TRPM1: variants seen among roughly 807,000 people sequenced by gnomAD.
TRPM1 encodes the protein transient receptor potential cation channel subfamily M member 1.
Under a neutral mutation model 149.4 loss-of-function variants are expected in TRPM1, and 113 were observed. The ratio of observed to expected loss-of-function variants is 0.76; its 90% CI spans 0.65 to 0.88. TRPM1 has a LOEUF of 0.88. Ranked by LOEUF, TRPM1 falls within the 40% of genes least tolerant of loss-of-function variation. The probability of loss-of-function intolerance (pLI) is 0.00; values close to 1 mark genes in which losing one functional copy is unlikely to be tolerated. For missense variants in TRPM1, 1,976 were observed against 2,038.7 expected (o/e 0.97, Z 0.59); for synonymous variants, 741 against 759.5 (o/e 0.98, Z 0.40).
chr15:31,032,680 A>G lies in TRPM1; in HGVS notation c.2952+9T>C. ...TCTCTCTGGATACCCACAGGATGCC[A>G]CTACTAACCATCTTTCCAATCATCA... On this transcript the variant is annotated intron_variant, in intron 22 of 27. Transcript: ENST00000256552. 1 of 1,614,116 alleles carries G rather than the reference A, an allele frequency of 6.2e-7. No individual in the cohort carries two copies. The highest frequency in any genetic ancestry group is 1.6e-4 in the Middle Eastern group (1 of 6,062).
intron 16 of TRPM1, among the ~76,000 whole-genome samples, chr15:31,044,011 G>A (rs1041725615): frequency 6.6e-6 from 1 of 151,780 alleles, no homozygotes; most frequent in Non-Finnish European, 1.5e-5. Context: ...ACTTAGCAAT[G>A]AATTTGAAAA....
chr15:31,081,317 G>A (rs554149541), intron 2 of TRPM1, 36 bp downstream of exon 2: 3 of 1,164,108 alleles, frequency 2.6e-6, no homozygotes, highest in East Asian at 2.9e-5. Flanking sequence ...AGGGGGGGAG[G>A]GGGGGAAGGT....
chr15:31,036,869 C>T (rs1329895513), intron 20 of TRPM1, among the ~76,000 whole-genome samples: 1 of 152,254 alleles, frequency 6.6e-6, no homozygotes, highest in Non-Finnish European at 1.5e-5. Context: ...TTGCTCTGCC[C>T]CCAGCCCACC....
intron 3 of TRPM1, 55 bp from the exon 4 acceptor site, chr15:31,070,281 C>T (rs568503747): frequency 6.4e-7 from 1 of 1,553,984 alleles, no homozygotes; most frequent in Non-Finnish European, 8.9e-7. Flanking sequence ...CTTTCCCCTT[C>T]ATTAGCAAAA....
chr15:31,055,204 C>T (rs1410226261), intron 11 of TRPM1, among the ~76,000 whole-genome samples: 1 of 152,164 alleles, frequency 6.6e-6, no homozygotes, highest in Non-Finnish European at 1.5e-5. Context: ...CCTTATATCC[C>T]ACTGTAGGGA....
chr15:31,089,873 C>G (rs1023403027), intron 1 of TRPM1, among the ~76,000 whole-genome samples: 3 of 152,162 alleles, frequency 2.0e-5, no homozygotes, highest in Non-Finnish European at 4.4e-5. Context: ...TGCCATGTGG[C>G]GCACAGGGAA....
chr15:31,117,078 G>A (rs1255032036), intron 1 of TRPM1, among the ~76,000 whole-genome samples: 2 of 152,210 alleles, frequency 1.3e-5, no homozygotes, highest in African/African-American at 4.8e-5. Context: ...GGCTGGGTGC[G>A]GTGGTTTACG....
At chr15:31,080,130 A>C (rs943296110) in intron 2 of TRPM1, among the ~76,000 whole-genome samples, 19 of 152,220 alleles carry the variant, frequency 1.2e-4, no homozygotes, top group Non-Finnish European at 2.5e-4. Flanking sequence ...TCTTTCTTCC[A>C]GTGGAAAGTC....
intron 1 of TRPM1, among the ~76,000 whole-genome samples, chr15:31,090,692 C>G (rs1315715670): frequency 6.7e-6 from 1 of 148,182 alleles, no homozygotes; most frequent in Admixed American, 6.6e-5. Flanking sequence ...ATCTTCCCAA[C>G]AAGTCTGAAT....
In TRPM1 at chr15:31,004,827, C is replaced by T. The variant is rs1013214094; in HGVS notation, c.3630-1757G>A. 3.9e-5 allele frequency among the ~76,000 whole-genome samples: 6 copies of T among 152,114 alleles called. No homozygotes were observed. In the East Asian group the frequency reaches 5.8e-4, roughly 15 times the overall value. On this transcript the variant is annotated intron_variant, in intron 27 of 27. Coordinates refer to ENST00000256552, the MANE Select transcript of TRPM1 (RefSeq NM_001252024.2). ...TTAAAAATAATGGCTCCTGGCCGCA[C>T]GCAGTGGCTCACACCTGTAATCCCA... is the stretch of plus-strand genomic sequence containing the variant.
chr15:31,063,337 T>C lies in TRPM1; in HGVS notation c.791-45A>G, dbSNP rs373131413. ...CGCCCATACCACCTGTGCCCTGCAC[T>C]GTCCACCCAGTCGTTTTAACTCCTG... On this transcript the variant is annotated intron_variant, in intron 7 of 27. Coordinates refer to ENST00000256552, the MANE Select transcript of TRPM1 (RefSeq NM_001252024.2). 265 of 1,613,338 alleles carry C rather than the reference T, an allele frequency of 1.6e-4. 1 individual carries two copies. Among genetic ancestry groups the C allele is most frequent in the Non-Finnish European group, 2.1e-4 (248 of 1,179,522 alleles).
chr15:31,026,380 T>C (rs2140899566), intron 26 of TRPM1, 109 bp from the exon 27 acceptor site: 1 of 1,362,676 alleles, frequency 7.3e-7, no homozygotes, highest in Non-Finnish European at 1.0e-6. Flanking sequence ...TCTCCGCCAC[T>C]CCTAAGGCAG....
intron 1 of TRPM1, among the ~76,000 whole-genome samples, chr15:31,094,426 C>A (rs1279488425): frequency 6.6e-6 from 1 of 151,964 alleles, no homozygotes; most frequent in Non-Finnish European, 1.5e-5. Context: ...GGAAAAAAAC[C>A]CACAACCTAT....
At chr15:31,023,707 C>G (rs1012647462) in intron 27 of TRPM1, among the ~76,000 whole-genome samples, 2 of 152,142 alleles carry the variant, frequency 1.3e-5, no homozygotes, top group African/African-American at 4.8e-5. Context: ...AATGGCGATG[C>G]CATTCACAGA....
At position 31,062,572 on chromosome 15, in the gene TRPM1, C is replaced by G. The variant is rs374335070; in HGVS notation, c.1089+7G>C. Reference sequence around the variant, plus strand: ...AGCTTGTTTGGAAATAAATTCAAGACACTTACGAGTTCTTTCTTCTTCATG... The same window carrying G: ...AGCTTGTTTGGAAATAAATTCAAGAGACTTACGAGTTCTTTCTTCTTCATG... On this transcript the variant is annotated splice_region_variant and intron_variant, in intron 9 of 27. Coordinates refer to ENST00000256552, the MANE Select transcript of TRPM1 (RefSeq NM_001252024.2). 102 of 1,613,948 alleles carry G rather than the reference C, an allele frequency of 6.3e-5. No individual in the cohort carries two copies. Among genetic ancestry groups the G allele is most frequent in the Non-Finnish European group, 8.6e-5 (102 of 1,180,030 alleles).
chr15:31,157,757 A>G (rs1023938800), intron 1 of TRPM1, among the ~76,000 whole-genome samples: 10 of 152,152 alleles, frequency 6.6e-5, no homozygotes, highest in African/African-American at 2.4e-4. Context: ...TCTAAGACCA[A>G]GGGAAGAGCT....
chr15:31,094,865 C>G (rs779295524), intron 1 of TRPM1, among the ~76,000 whole-genome samples: 3 of 152,200 alleles, frequency 2.0e-5, no homozygotes, highest in Non-Finnish European at 4.4e-5. Flanking sequence ...AGCAATTTTA[C>G]TGCTAGGTAT....
At chr15:31,088,791 G>A (rs974667432) in intron 1 of TRPM1, among the ~76,000 whole-genome samples, 2 of 119,950 alleles carry the variant, frequency 1.7e-5, no homozygotes, top group Non-Finnish European at 3.4e-5. Flanking sequence ...ACACCTGAAC[G>A]TTCTTTCTGC....
intron 24 of TRPM1, 131 bp from the exon 25 acceptor site, chr15:31,028,607 T>TC: frequency 2.5e-6 from 3 of 1,216,784 alleles, no homozygotes; most frequent in Non-Finnish European, 2.3e-6. Context: ...CAATATTTTT[T>TC]CCATGGGAAA....
Sources: allele counts gnomAD v4.1 joint callset (sites outside exome capture counted in the v4.1 genomes callset), GRCh38; gene constraint gnomAD v4.1.1; transcripts MANE v1.5; gene names NCBI Gene and HGNC (gene_info 2026-07-23, HGNC 2026-07-21).